INPP5A: variants seen among roughly 807,000 people sequenced by gnomAD.
The protein encoded by INPP5A is 43 kDa inositol polyphosphate 5-phophatase.
Under a neutral mutation model 65.2 loss-of-function variants are expected in INPP5A, and 14 were observed. The observed-to-expected ratio is 0.21, with a 90% CI of 0.14 to 0.34. The LOEUF (loss-of-function observed/expected upper bound fraction) is 0.34. Ranked by LOEUF, INPP5A falls within the 10% of genes least tolerant of loss-of-function variation. The probability of loss-of-function intolerance (pLI) is 1.00; values close to 1 mark genes in which losing one functional copy is unlikely to be tolerated. For synonymous variants in INPP5A, 207 were observed against 208.3 expected (o/e 0.99, Z 0.05); for missense variants, 431 against 545.6 (o/e 0.79, Z 2.09).
chr10:132,548,045 G>A (rs564867159), intron 1 of INPP5A, among the ~76,000 whole-genome samples: 17 of 152,104 alleles, frequency 1.1e-4, no homozygotes, highest in African/African-American at 3.1e-4. Context: ...GATTACAGGC[G>A]TGCACCACCA....
At chr10:132,576,484 T>C (rs2071413248) in intron 1 of INPP5A, among the ~76,000 whole-genome samples, 1 of 152,190 alleles carries the variant, frequency 6.6e-6, no homozygotes, top group African/African-American at 2.4e-5. Context: ...CTCTGGGCTG[T>C]GGTGGCTCCC....
intron 2 of INPP5A, among the ~76,000 whole-genome samples, chr10:132,643,719 AC>A (rs1317958219): frequency 6.6e-6 from 1 of 152,072 alleles, no homozygotes; most frequent in Non-Finnish European, 1.5e-5. Flanking sequence ...AGGTGCTGTG[AC>A]CAAGGCCAGG....
rs2071033319 is a variant in INPP5A at position 132,550,294 on chromosome 10, G to C, written c.75+12123G>C. Among the ~76,000 whole-genome samples the C allele has an allele frequency of 6.6e-6, 1 of 152,222 alleles. No homozygotes were observed. On this transcript the variant is annotated intron_variant, in intron 1 of 15. Coordinates refer to ENST00000368594, the MANE Select transcript of INPP5A (RefSeq NM_005539.5). The surrounding 1 kb of genome is among the most constrained non-coding windows in gnomAD (Gnocchi z 4.2). The stretch of plus-strand genomic sequence containing the variant: ...AGCCTCTCAGGGATGTAATGAGGCT[G>C]CTCGGGGGGCTGTCTCAGGCCTCTG...
At chr10:132,712,665 CATGTGTGGGTGCATGT>C (rs778250431) in intron 8 of INPP5A, among the ~76,000 whole-genome samples, 9 of 139,846 alleles carry the variant, frequency 6.4e-5, no homozygotes, top group Admixed American at 7.0e-5. Flanking sequence ...TGGGTATATG[CATGTGTGGGTGCATGT>C]GAGTGGGTAT....
chr10:132,596,957 A>ACGCG (rs1554932718), intron 1 of INPP5A, among the ~76,000 whole-genome samples: 18 of 119,452 alleles, frequency 1.5e-4, no homozygotes, highest in African/African-American at 5.8e-4. Flanking sequence ...GTGTGCACAC[A>ACGCG]TGTGTGCGTG....
intron 2 of INPP5A, among the ~76,000 whole-genome samples, chr10:132,609,156 C>T (rs146391021): frequency 6.6e-6 from 1 of 152,354 alleles, no homozygotes; most frequent in Non-Finnish European, 1.5e-5. Flanking sequence ...AAATCTCTCT[C>T]CGTAGAGTCT....
At chr10:132,679,029 G>C (rs2073007696) in intron 4 of INPP5A, among the ~76,000 whole-genome samples, 2 of 152,224 alleles carry the variant, frequency 1.3e-5, no homozygotes, top group Admixed American at 1.3e-4. Context: ...TGCAGGACGT[G>C]GCTGGGAGGA....
chr10:132,540,359 G>A (rs759887100), intron 1 of INPP5A, among the ~76,000 whole-genome samples: 54 of 152,188 alleles, frequency 3.5e-4, no homozygotes, highest in Admixed American at 1.3e-3. Context: ...TTTTCTTAAA[G>A]GCTATGTGGA....
At chr10:132,548,990 G>A (rs946553248) in intron 1 of INPP5A, among the ~76,000 whole-genome samples, 3 of 151,988 alleles carry the variant, frequency 2.0e-5, no homozygotes, top group Non-Finnish European at 2.9e-5. Context: ...ATGGGGTCTC[G>A]CTATGTTGCC....
intron 1 of INPP5A, among the ~76,000 whole-genome samples, chr10:132,539,521 G>T (rs1178788697): frequency 6.6e-6 from 1 of 152,120 alleles, no homozygotes; most frequent in African/African-American, 2.4e-5. Context: ...AGGGAGCTGA[G>T]GCCCAGGGCG....
rs2070999158 is a variant in INPP5A at position 132,547,884 on chromosome 10, G to C, written c.75+9713G>C. ...CTGGCCTTTGGCAGCAGCGTCTGGG[G>C]TGGGGACCATGGTGTCTTTTTTAAT... On this transcript the variant is annotated intron_variant, in intron 1 of 15. Coordinates refer to ENST00000368594, the MANE Select transcript of INPP5A (RefSeq NM_005539.5). This position sits in a 1 kb window ranked among gnomAD's most constrained non-coding sequence, Gnocchi z 5.5. Among the ~76,000 whole-genome samples the C allele has an allele frequency of 6.6e-6, 1 of 151,956 alleles. No homozygotes were observed. Among genetic ancestry groups the C allele is most frequent in the African/African-American group, 2.4e-5 (1 of 41,364 alleles).
At chr10:132,581,096 G>A (rs1005179155) in intron 1 of INPP5A, among the ~76,000 whole-genome samples, 4 of 152,236 alleles carry the variant, frequency 2.6e-5, no homozygotes, top group African/African-American at 7.2e-5. Context: ...TTCGCCTGTC[G>A]GAGGACGCCA....
rs145228628 is a variant in INPP5A at position 132,747,264 on chromosome 10, G to T, written c.733-2253G>T. 7.4e-3 allele frequency among the ~76,000 whole-genome samples: 1,134 copies of T among 152,372 alleles called. 11 individuals are homozygous for T. The highest frequency in any genetic ancestry group is 0.025 in the African/African-American group (1,033 of 41,592). ...GTGGCCCCGCTGTGTGGCTGTTTGG[G>T]TGCTTGTTCTAATCCTCACGCTGTT... is the stretch of plus-strand genomic sequence containing the variant. On this transcript the variant is annotated intron_variant, in intron 9 of 15. Transcript: ENST00000368594.
chr10:132,712,107 C>A (rs1564977091), intron 8 of INPP5A, among the ~76,000 whole-genome samples: 1 of 152,236 alleles, frequency 6.6e-6, no homozygotes. Flanking sequence ...CTGAGGGGTC[C>A]CTAAGGCAGG....
chr10:132,757,659 T>C (rs1846650186), intron 11 of INPP5A, among the ~76,000 whole-genome samples: 1 of 152,242 alleles, frequency 6.6e-6, no homozygotes, highest in South Asian at 2.1e-4. Flanking sequence ...ACTTGGTGGC[T>C]ATTGAGGGCT....
intron 12 of INPP5A, among the ~76,000 whole-genome samples, chr10:132,769,808 C>CG (rs1048854466): frequency 1.3e-5 from 2 of 151,578 alleles, no homozygotes; most frequent in Admixed American, 6.6e-5. Flanking sequence ...GCTCCCCCCC[C>CG]CCAAGTTCCT....
chr10:132,636,405 C>G (rs2072353174), intron 2 of INPP5A, among the ~76,000 whole-genome samples: 1 of 152,172 alleles, frequency 6.6e-6, no homozygotes, highest in African/African-American at 2.4e-5. Context: ...CACTGAAAGC[C>G]CTGGCTTTAG....
intron 12 of INPP5A, among the ~76,000 whole-genome samples, chr10:132,773,869 T>C (rs1004886715): frequency 2.0e-5 from 3 of 152,060 alleles, no homozygotes; most frequent in South Asian, 2.1e-4. Context: ...CAAGCGATTT[T>C]CCCCCCTCAG....
chr10:132,755,226 C>G (rs1021106784), intron 11 of INPP5A, among the ~76,000 whole-genome samples: 12 of 146,584 alleles, frequency 8.2e-5, no homozygotes, highest in Admixed American at 4.1e-4. Context: ...CATGTGTGAG[C>G]AGGCGTGTAC....
Sources: gnomAD v4.1 joint callset for allele counts (sites outside exome capture counted in the v4.1 genomes callset) on GRCh38, gnomAD v4.1.1 for gene constraint, Gnocchi (gnomAD v3.1) non-coding constraint, MANE v1.5 for transcripts, NCBI Gene and HGNC (gene_info 2026-07-23, HGNC 2026-07-21) for gene names.